HMGB1: variants seen among roughly 807,000 people sequenced by gnomAD.
HMGB1 encodes the protein high mobility group protein B1.
For missense variants in HMGB1, 79 were observed against 253.5 expected, an observed-to-expected ratio of 0.31 and a Z score of 4.67; for synonymous variants, 81 against 84.0, an observed-to-expected ratio of 0.96 and a Z score of 0.19.
intron 1 of HMGB1, among the ~76,000 whole-genome samples, chr13:30,532,334 C>CA (rs34132409): frequency 0.18 from 20,494 of 113,202 alleles, 1,893 homozygotes; most frequent in African/African-American, 0.28. Context: ...GACTCTGTCT[C>CA]AAAAAAAAAA....
chr13:30,578,456 A>G (rs972469522), intron 1 of HMGB1, among the ~76,000 whole-genome samples: 1 of 145,140 alleles, frequency 6.9e-6, no homozygotes, highest in African/African-American at 2.7e-5. Flanking sequence ...CACAAACTGA[A>G]TGGAATTGAG....
rs80354446 is a variant in HMGB1 at position 30,613,851 on chromosome 13, C to A, written c.-15+2820G>T. Reference sequence around the variant, plus strand: ...ATTCACATATGTGGAGAATGATGTACGTAGAAAGGTCTTCATTGCACAATG... The same window carrying A: ...ATTCACATATGTGGAGAATGATGTAAGTAGAAAGGTCTTCATTGCACAATG... On this transcript the variant is annotated intron_variant, in intron 1 of 4. Coordinates refer to the HMGB1 transcript ENST00000405805. Among the ~76,000 whole-genome samples, 1,102 of 151,030 alleles carry A rather than the reference C, an allele frequency of 7.3e-3. 9 individuals are homozygous for A. Among genetic ancestry groups the A allele is most frequent in the East Asian group, 0.011 (56 of 5,122 alleles).
intron 1 of HMGB1, among the ~76,000 whole-genome samples, chr13:30,609,626 A>G (rs531801948): frequency 1.3e-5 from 2 of 152,280 alleles, no homozygotes; most frequent in African/African-American, 4.8e-5. Context: ...TGGGGGGTGC[A>G]GGTGGTTTTT....
At chr13:30,553,832 T>C in intron 1 of HMGB1, 3 of 1,360,248 alleles carry the variant, frequency 2.2e-6, no homozygotes, top group South Asian at 1.2e-5. Context: ...TAAGCCCATA[T>C]GATCACAGTC....
rs574380953 is a variant in HMGB1, at chr13:30,531,015, C to G, written c.-14-67321G>C. 1.2e-4 allele frequency among the ~76,000 whole-genome samples: 19 copies of G among 152,262 alleles called. No homozygotes were observed. The South Asian group carries it at 3.3e-3, about 27-fold the overall frequency. On this transcript the variant is annotated intron_variant, in intron 1 of 4. Transcript: ENST00000405805. Reference sequence around the variant, plus strand: ...TGAGCTGATATTGTGCCACTGCACTCCAGACCGGGCAAGAGTGAGACCCTG... The same window carrying G: ...TGAGCTGATATTGTGCCACTGCACTGCAGACCGGGCAAGAGTGAGACCCTG...
At chr13:30,586,025 T>C (rs1012458475) in intron 1 of HMGB1, among the ~76,000 whole-genome samples, 2 of 152,200 alleles carry the variant, frequency 1.3e-5, no homozygotes, top group Admixed American at 1.3e-4. Flanking sequence ...ATGACGTTCA[T>C]GCTGCCAAAT....
At position 30,465,818 on chromosome 13, in the gene HMGB1, C is replaced by T. The variant is rs1291326050; in HGVS notation, c.-37G>A. The T allele has an allele frequency of 5.9e-5, 58 of 985,480 alleles. No individual in the cohort carries two copies. The highest frequency in any genetic ancestry group is 6.7e-5 in the Non-Finnish European group (56 of 829,728). 61.0% of individuals were successfully genotyped at this position (985,480 alleles called of 1,614,324 possible). A position where few individuals can be genotyped will look rare whatever the true frequency, so the allele number is the denominator to read the frequency against. On this transcript the variant is annotated 5_prime_UTR_variant, in exon 1 of 5. Coordinates refer to ENST00000341423, the MANE Select transcript of HMGB1 (RefSeq NM_002128.7). The stretch of plus-strand genomic sequence containing the variant: ...CACCCTCAGCGAGGCACAGAGTCGC[C>T]CAGTGCCCGTCCGGCTCTCACTTGC...
intron 3 of HMGB1, 133 bp from the exon 4 acceptor site, chr13:30,462,845 A>T: frequency 1.5e-6 from 1 of 687,264 alleles, no homozygotes. Context: ...CAAATACTAT[A>T]ATATACTAAA....
In HMGB1 at chr13:30,582,231, C is replaced by T. The variant is rs546332245; in HGVS notation, c.-15+34440G>A. On this transcript the variant is annotated intron_variant, in intron 1 of 4. Transcript: ENST00000405805. ...CCTCCATACTTTATTGGAATTAGCACAACTTATCCTTGTTTCTTTCATTTT... is the reference window on the plus strand; with the variant it reads ...CCTCCATACTTTATTGGAATTAGCATAACTTATCCTTGTTTCTTTCATTTT... 2.6e-5 allele frequency among the ~76,000 whole-genome samples: 4 copies of T among 152,334 alleles called. No homozygotes were observed. In the East Asian group the frequency reaches 5.8e-4, roughly 22 times the overall value.
At chr13:30,474,733 C>T (rs193233023) in intron 1 of HMGB1, among the ~76,000 whole-genome samples, 29 of 140,472 alleles carry the variant, frequency 2.1e-4, no homozygotes, top group East Asian at 1.1e-3. Context: ...CCAGCCTGGG[C>T]GACAGAGCGA....
intron 1 of HMGB1, among the ~76,000 whole-genome samples, chr13:30,570,290 TAAA>T (rs1399685527): frequency 6.6e-6 from 1 of 152,200 alleles, no homozygotes; most frequent in African/African-American, 2.4e-5. Flanking sequence ...TTTTCTCTAT[TAAA>T]AATAAAGAAG....
chr13:30,528,042 T>C (rs922312812), intron 1 of HMGB1, among the ~76,000 whole-genome samples: 1 of 152,192 alleles, frequency 6.6e-6, no homozygotes, highest in African/African-American at 2.4e-5. Context: ...TGAACCTAAA[T>C]TGGAAAAAGC....
chr13:30,607,328 G>A (rs925789372), intron 1 of HMGB1, among the ~76,000 whole-genome samples: 1 of 152,184 alleles, frequency 6.6e-6, no homozygotes, highest in African/African-American at 2.4e-5. Context: ...CGTGTCAAAG[G>A]AGAAGCCTGG....
At chr13:30,613,387 C>T (rs976536070) in intron 1 of HMGB1, among the ~76,000 whole-genome samples, 6 of 152,074 alleles carry the variant, frequency 3.9e-5, no homozygotes, top group African/African-American at 1.4e-4. Flanking sequence ...ATAAATTCAA[C>T]CATATATTAT....
intron 1 of HMGB1, among the ~76,000 whole-genome samples, chr13:30,550,645 CT>C (rs1050000902): frequency 1.1e-4 from 17 of 152,210 alleles, no homozygotes; most frequent in African/African-American, 4.1e-4. Context: ...GCCACCTCCT[CT>C]TTTGCCTGTG....
intron 1 of HMGB1, among the ~76,000 whole-genome samples, chr13:30,531,509 C>CGTGTGTGTGTGTGTGTGTGTGT (rs376387192): frequency 1.5e-5 from 2 of 135,590 alleles, no homozygotes; most frequent in African/African-American, 2.8e-5. Context: ...GTAACATATA[C>CGTGTGTGTGTGTGTGTGTGTGT]GTGTGTGTGT....
At chr13:30,520,772 T>C (rs534210351) in intron 1 of HMGB1, among the ~76,000 whole-genome samples, 1 of 152,236 alleles carries the variant, frequency 6.6e-6, no homozygotes, top group Non-Finnish European at 1.5e-5. Flanking sequence ...GCACTGGTGA[T>C]GCAGCATTTC....
intron 1 of HMGB1, among the ~76,000 whole-genome samples, chr13:30,482,117 A>G (rs1887243832): frequency 6.6e-6 from 1 of 152,238 alleles, no homozygotes; most frequent in South Asian, 2.1e-4. Flanking sequence ...TACTGTAGAC[A>G]CATATTATTG....
intron 1 of HMGB1, among the ~76,000 whole-genome samples, chr13:30,604,896 G>T (rs990583121): frequency 6.6e-6 from 1 of 152,110 alleles, no homozygotes; most frequent in Non-Finnish European, 1.5e-5. Flanking sequence ...CTGATCCCGT[G>T]ATCCACCCAC....
Sources: allele counts gnomAD v4.1 joint callset (sites outside exome capture counted in the v4.1 genomes callset), GRCh38; gene constraint gnomAD v4.1.1; transcripts MANE v1.5; gene names NCBI Gene and HGNC (gene_info 2026-07-23, HGNC 2026-07-21).